The following SLC25A36 variants were observed in gnomAD, a reference collection of about 807,000 sequenced individuals.
The protein encoded by SLC25A36 is solute carrier family 25 member 36, also known as epididymis secretory sperm binding protein.
In SLC25A36, 24 loss-of-function variants were observed where a neutral mutation model predicts 35.3. The observed-to-expected ratio is 0.68, with a 90% CI of 0.49 to 0.96. The LOEUF (loss-of-function observed/expected upper bound fraction) is 0.96. Among genes scored for constraint, SLC25A36 ranks in the 40% least tolerant of loss-of-function variants. The pLI, the probability that SLC25A36 is intolerant of heterozygous loss-of-function variation, is 0.00. For missense variants in SLC25A36, 294 were observed against 381.1 expected (o/e 0.77, Z 1.90); for synonymous variants, 141 against 132.2 (o/e 1.07, Z -0.46).
chr3:140,965,897 C>T (rs1934745418), intron 4 of SLC25A36: 1 of 151,586 alleles, frequency 6.6e-6, no homozygotes, highest in Non-Finnish European at 1.5e-5. Context: ...CACCTAGGCA[C>T]AGATGTATGC....
chr3:140,959,673 C>G (rs755744325), intron 3 of SLC25A36, 133 bp downstream of exon 3: 1 of 435,986 alleles, frequency 2.3e-6, no homozygotes. Context: ...AGTTAAAATA[C>G]TTAATTTTCT....
rs1935156303 is a variant in SLC25A36, at chr3:140,980,526, G to C, written c.*4073G>C. Among the ~76,000 whole-genome samples, 1 of 152,062 alleles carries C rather than the reference G, an allele frequency of 6.6e-6. No individual in the cohort carries two copies. Among genetic ancestry groups the C allele is most frequent in the Admixed American group, 6.5e-5 (1 of 15,272 alleles). The stretch of plus-strand genomic sequence containing the variant: ...CACTGAAGGCACTGGCAAAATAATG[G>C]TTAAAATTGAGCACAGGTGTTCCAA... On this transcript the variant is annotated 3_prime_UTR_variant, in exon 7 of 7. Coordinates refer to ENST00000324194, the MANE Select transcript of SLC25A36 (RefSeq NM_001104647.3).
intron 6 of SLC25A36, 31 bp downstream of exon 6, chr3:140,974,036 A>C: frequency 6.9e-7 from 1 of 1,443,528 alleles, no homozygotes; most frequent in Non-Finnish European, 9.3e-7. Flanking sequence ...AATCAGAAAT[A>C]TTTTCCCACC....
At chr3:140,950,918 C>CTGTGTGTGTGTGTGTGTG (rs373375551) in intron 1 of SLC25A36, among the ~76,000 whole-genome samples, 9 of 136,376 alleles carry the variant, frequency 6.6e-5, no homozygotes, top group African/African-American at 2.4e-4. Context: ...GTCTGTGTGT[C>CTGTGTGTGTGTGTGTGTG]TGTGTGTGTG....
intron 4 of SLC25A36, among the ~76,000 whole-genome samples, chr3:140,969,320 T>C (rs1211074172): frequency 1.3e-5 from 2 of 151,882 alleles, no homozygotes; most frequent in Admixed American, 1.3e-4. Flanking sequence ...GAACCTTTTA[T>C]TTAAAAAGAT....
rs377153642 is a variant in SLC25A36 at position 140,959,680 on chromosome 3, T to C, written c.284+140T>C. On this transcript the variant is annotated intron_variant, in intron 3 of 6. Transcript: ENST00000324194. ...TTATGGGAAGTTAAAATACTTAATT[T>C]TCTTTTTAAGAATTTCAGATTCTAG... is the stretch of plus-strand genomic sequence containing the variant. 9.1e-6 allele frequency: 4 copies of C among 439,004 alleles called. No individual in the cohort carries two copies. In the East Asian group the frequency reaches 1.5e-4, roughly 16 times the overall value. 27.2% of individuals were successfully genotyped at this position (439,004 alleles called of 1,614,324 possible). A position where few individuals can be genotyped will look rare whatever the true frequency, so the allele number is the denominator to read the frequency against.
intron 4 of SLC25A36, chr3:140,963,790 A>G (rs1198659552): frequency 2.0e-5 from 3 of 152,716 alleles, no homozygotes; most frequent in African/African-American, 7.2e-5. Flanking sequence ...GACACTGGCT[A>G]TGTGTACATG....
intron 6 of SLC25A36, among the ~76,000 whole-genome samples, chr3:140,975,130 TAGGATCTCACTGTGTC>T (rs1935009524): frequency 7.3e-6 from 1 of 137,070 alleles, no homozygotes; most frequent in African/African-American, 3.0e-5. Flanking sequence ...TTTTTTTTGA[TAGGATCTCACTGTGTC>T]ACCCAGGCTT....
chr3:140,976,713 A>G lies in SLC25A36; in HGVS notation c.*260A>G, dbSNP rs1001873782. On this transcript the variant is annotated 3_prime_UTR_variant, in exon 7 of 7. Coordinates refer to ENST00000324194, the MANE Select transcript of SLC25A36 (RefSeq NM_001104647.3). ...CTCTCTCAAAATTGCCATTTTCTCT[A>G]CCATGTCCCCCAGACACAGTTGGGT... 2 of 299,704 alleles carry G rather than the reference A, an allele frequency of 6.7e-6. No individual in the cohort carries two copies. Among genetic ancestry groups the G allele is most frequent in the Admixed American group, 4.6e-5 (1 of 21,578 alleles). 18.6% of individuals were successfully genotyped at this position (299,704 alleles called of 1,614,324 possible). A position where few individuals can be genotyped will look rare whatever the true frequency, so the allele number is the denominator to read the frequency against.
At chr3:140,971,694 T>C (rs530597124) in intron 5 of SLC25A36, among the ~76,000 whole-genome samples, 10 of 152,146 alleles carry the variant, frequency 6.6e-5, no homozygotes, top group Non-Finnish European at 1.5e-4. Context: ...CAGTGCTGCG[T>C]AGGGTCTTGC....
At chr3:140,953,174 T>C (rs937640226) in intron 1 of SLC25A36, among the ~76,000 whole-genome samples, 2 of 150,300 alleles carry the variant, frequency 1.3e-5, no homozygotes, top group Admixed American at 1.3e-4. Flanking sequence ...TCAACTCTTA[T>C]CTAAGTAAAT....
chr3:140,963,373 TA>T, intron 4 of SLC25A36, 146 bp downstream of exon 4: 1 of 559,412 alleles, frequency 1.8e-6, no homozygotes. Context: ...TAAACCAAAT[TA>T]GGTATATGTA....
rs540283359 is a variant in SLC25A36, at chr3:140,979,858, G to T, written c.*3405G>T. The T allele has an allele frequency of 3.3e-5, 5 of 152,108 alleles. No homozygotes were observed. Among genetic ancestry groups the T allele is most frequent in the Non-Finnish European group, 7.4e-5 (5 of 68,010 alleles). 9.4% of individuals were successfully genotyped at this position (152,108 alleles called of 1,614,324 possible). A position where few individuals can be genotyped will look rare whatever the true frequency, so the allele number is the denominator to read the frequency against. ...TTATGTACATGGCTGTAAATTATGT[G>T]CATTTACTCTGTATTTATGTTATCT... On this transcript the variant is annotated 3_prime_UTR_variant, in exon 7 of 7. Coordinates refer to ENST00000324194, the MANE Select transcript of SLC25A36 (RefSeq NM_001104647.3).
At position 140,976,245 on chromosome 3, in the gene SLC25A36, T is replaced by C; in HGVS notation, c.743-15T>C. On this transcript the variant is annotated splice_polypyrimidine_tract_variant and intron_variant, in intron 6 of 6. Transcript: ENST00000324194. The stretch of plus-strand genomic sequence containing the variant: ...AGATATCAGTAATGTTTAATTTTAT[T>C]TCTTTCCTACACAGAAGTTGTAAGA... 1 of 1,533,864 alleles carries C rather than the reference T, an allele frequency of 6.5e-7. No individual in the cohort carries two copies.
At chr3:140,969,592 C>T (rs1228072002) in intron 4 of SLC25A36, among the ~76,000 whole-genome samples, 2 of 151,820 alleles carry the variant, frequency 1.3e-5, no homozygotes, top group African/African-American at 2.4e-5. Flanking sequence ...AATGTTAAAA[C>T]AGTGGGTTGA....
chr3:140,947,962 T>C (rs1934211978), intron 1 of SLC25A36, among the ~76,000 whole-genome samples: 2 of 152,190 alleles, frequency 1.3e-5, no homozygotes, highest in Non-Finnish European at 2.9e-5. Flanking sequence ...TTAATTATTA[T>C]TATTTTTTGA....
chr3:140,942,158 G>C (rs1223539393), intron 1 of SLC25A36, 63 bp downstream of exon 1: 3 of 283,134 alleles, frequency 1.1e-5, no homozygotes, highest in African/African-American at 7.2e-5. Context: ...ACGCAGGCGA[G>C]GGGGGCGAGG....
chr3:140,950,906 GTGTC>G (rs1466846424), intron 1 of SLC25A36, among the ~76,000 whole-genome samples: 1 of 127,726 alleles, frequency 7.8e-6, no homozygotes, highest in African/African-American at 3.5e-5. Context: ...GTCTCTGTGT[GTGTC>G]TGTGTGTCTG....
rs1252602868 is a variant in SLC25A36 at position 140,978,781 on chromosome 3, C to G, written c.*2328C>G. ...AGTTGTATTTTTCCCTAAGCACAAT[C>G]TGCAATAGTTTATGTATGACAGAGA... On this transcript the variant is annotated 3_prime_UTR_variant, in exon 7 of 7. Transcript: ENST00000324194. The G allele has an allele frequency of 1.3e-5, 2 of 152,068 alleles. No individual in the cohort carries two copies. Among genetic ancestry groups the G allele is most frequent in the Non-Finnish European group, 2.9e-5 (2 of 68,006 alleles). The allele number at this position is 152,068 out of a possible 1,614,324, so 9.4% of individuals were successfully genotyped here. A position where few individuals can be genotyped will look rare whatever the true frequency, so the allele number is the denominator to read the frequency against.
Sources: allele counts gnomAD v4.1 joint callset (sites outside exome capture counted in the v4.1 genomes callset), GRCh38; gene constraint gnomAD v4.1.1; transcripts MANE v1.5; gene names NCBI Gene and HGNC (gene_info 2026-07-23, HGNC 2026-07-21).